Variants in CX3CR1 observed in about 807,000 individuals in gnomAD.
CX3CR1 encodes the protein CX3C chemokine receptor 1.
For missense variants in CX3CR1, 363 were observed against 432.4 expected (o/e 0.84, Z 1.42); for synonymous variants, 168 against 178.5 (o/e 0.94, Z 0.47).
intron 1 of CX3CR1, among the ~76,000 whole-genome samples, chr3:39,278,655 CTTTTTT>C (rs55908068): frequency 9.6e-6 from 1 of 103,708 alleles, no homozygotes; most frequent in Non-Finnish European, 1.9e-5. Flanking sequence ...TTTTTCTTTT[CTTTTTT>C]TTTTTTTTTT....
the CX3CR1 span, among the ~76,000 whole-genome samples, chr3:39,292,640 A>T: frequency 2.0e-5 from 3 of 152,206 alleles, no homozygotes; most frequent in African/African-American, 7.2e-5. Context: ...CCTTCTATTT[A>T]TTATTTTGTT....
In CX3CR1 at chr3:39,263,769, G is replaced by A. The variant is rs1032179920; in HGVS notation, c.*1673C>T. The A allele has an allele frequency of 2.6e-5, 4 of 152,308 alleles. No homozygotes were observed. The highest frequency in any genetic ancestry group is 6.5e-5 in the Admixed American group (1 of 15,308). The allele number at this position is 152,308 out of a possible 1,614,324, so 9.4% of individuals were successfully genotyped here. A position where few individuals can be genotyped will look rare whatever the true frequency, so the allele number is the denominator to read the frequency against. ...AAGCGAGCACTATTTGTGGTCTAAC[G>A]TTAAGAGGAAAACAAATCAGATTAT... is the stretch of plus-strand genomic sequence containing the variant. On this transcript the variant is annotated 3_prime_UTR_variant, in exon 2 of 2. Transcript: ENST00000399220.
At chr3:39,278,346 T>C (rs1350255334) in intron 1 of CX3CR1, among the ~76,000 whole-genome samples, 1 of 152,180 alleles carries the variant, frequency 6.6e-6, no homozygotes, top group Non-Finnish European at 1.5e-5. Context: ...AAGAGGAAGA[T>C]GAAAGAATCC....
chr3:39,266,319 C>A lies in CX3CR1; in HGVS notation c.191G>T (p.Ser64Ile), dbSNP rs1344806050. The change falls in exon 2 of 2, where the codon AGT becomes ATT. Residue 64 changes from serine (S) to isoleucine (I), a missense_variant. Coordinates refer to ENST00000399220, the MANE Select transcript of CX3CR1 (RefSeq NM_001337.4). ...GTTCAGGAGGTAAATGTCGGTGACA[C>A]TCTTGGGCTTCTTGCTGTTGGTGAG... Reference protein sequence around the residue: ...FALTNSKKPKSVTDIYLLNLA... With the variant: ...FALTNSKKPKIVTDIYLLNLA... 1 of 1,614,052 alleles carries A rather than the reference C, an allele frequency of 6.2e-7. No homozygotes were observed. The highest frequency in any genetic ancestry group is 8.5e-7 in the Non-Finnish European group (1 of 1,180,040).
At chr3:39,272,513 C>T (rs2040789177) in intron 1 of CX3CR1, among the ~76,000 whole-genome samples, 1 of 152,160 alleles carries the variant, frequency 6.6e-6, no homozygotes. Context: ...TCTATACTTC[C>T]CTTCTTCTTT....
At chr3:39,287,875 T>A in the CX3CR1 span, 1 of 152,192 alleles carries the variant, frequency 6.6e-6, no homozygotes, top group Non-Finnish European at 1.5e-5. Context: ...GCAACATGGC[T>A]ATAATTCCTG....
chr3:39,276,601 T>G (rs2040843561), intron 1 of CX3CR1, among the ~76,000 whole-genome samples: 1 of 152,206 alleles, frequency 6.6e-6, no homozygotes, highest in Non-Finnish European at 1.5e-5. Context: ...GATTCCACTG[T>G]GTGACTAGTC....
At chr3:39,281,792 G>C (rs199857560), upstream of CX3CR1, 1 of 926,014 alleles carries the variant, frequency 1.1e-6, no homozygotes, top group Non-Finnish European at 1.7e-6. Context: ...GCCTGTGCCC[G>C]TGGCAGGCTC....
At position 39,268,285 on chromosome 3, in the gene CX3CR1, A is replaced by G. The variant is rs181829869; in HGVS notation, c.-9-1767T>C. Among the ~76,000 whole-genome samples the G allele has an allele frequency of 2.8e-3, 422 of 152,342 alleles. 2 individuals are homozygous for G. Among genetic ancestry groups the G allele is most frequent in the Middle Eastern group, 6.8e-3 (2 of 294 alleles). ...GGAACGTGTATGCTTTCTCTGCTTCAGGCTACAATGCCCTTTTCTCAGAGA... is the reference window on the plus strand; with the variant it reads ...GGAACGTGTATGCTTTCTCTGCTTCGGGCTACAATGCCCTTTTCTCAGAGA... On this transcript the variant is annotated intron_variant, in intron 1 of 1. Coordinates refer to ENST00000399220, the MANE Select transcript of CX3CR1 (RefSeq NM_001337.4).
upstream of CX3CR1, among the ~76,000 whole-genome samples, chr3:39,282,736 A>G (rs2040914775): frequency 6.6e-6 from 1 of 152,170 alleles, no homozygotes; most frequent in African/African-American, 2.4e-5. Flanking sequence ...CCAAACCAAG[A>G]TACTTCCATG....
intron 1 of CX3CR1, among the ~76,000 whole-genome samples, chr3:39,273,584 C>T (rs778649660): frequency 3.9e-5 from 6 of 152,206 alleles, no homozygotes; most frequent in Non-Finnish European, 8.8e-5. Context: ...GACCAGACCA[C>T]CTCTAAGAGC....
intron 1 of CX3CR1, among the ~76,000 whole-genome samples, chr3:39,266,878 G>A (rs1216057533): frequency 2.6e-5 from 4 of 152,134 alleles, no homozygotes; most frequent in South Asian, 4.1e-4. Flanking sequence ...TGTCCCCTGG[G>A]GTTCAAGCGA....
chr3:39,290,318 C>A, the CX3CR1 span, among the ~76,000 whole-genome samples: 3 of 152,168 alleles, frequency 2.0e-5, no homozygotes, highest in African/African-American at 7.2e-5. Context: ...GCTAAAGAAG[C>A]AGCAATCCCT....
chr3:39,266,774 A>C, intron 1 of CX3CR1: 1 of 677,802 alleles, frequency 1.5e-6, no homozygotes, highest in Non-Finnish European at 2.7e-6. Context: ...CTCTGTGAGC[A>C]TTTGGCTCTA....
intron 1 of CX3CR1, among the ~76,000 whole-genome samples, chr3:39,275,326 T>C (rs4447705): frequency 0.97 from 148,284 of 152,300 alleles, 72,294 homozygotes; most frequent in East Asian, 1. Context: ...CTTCTATCTC[T>C]TAGTTTCTGT....
intron 1 of CX3CR1, among the ~76,000 whole-genome samples, chr3:39,269,662 C>G (rs1032362977): frequency 6.6e-6 from 1 of 152,182 alleles, no homozygotes; most frequent in Non-Finnish European, 1.5e-5. Context: ...TGGGACTGCT[C>G]CCTGCCATCC....
At chr3:39,269,208 A>G (rs1242781634) in intron 1 of CX3CR1, among the ~76,000 whole-genome samples, 1 of 152,206 alleles carries the variant, frequency 6.6e-6, no homozygotes, top group Admixed American at 6.5e-5. Context: ...CTCTGGGGAT[A>G]TTCATGATGA....
At chr3:39,269,412 G>C (rs2040747000) in intron 1 of CX3CR1, among the ~76,000 whole-genome samples, 1 of 152,150 alleles carries the variant, frequency 6.6e-6, no homozygotes, top group South Asian at 2.1e-4. Context: ...GGTCTGGCTT[G>C]GCAAGGAGCT....
In CX3CR1 at chr3:39,265,578, C is replaced by T. The variant is rs757634158; in HGVS notation, c.932G>A (p.Cys311Tyr). 46 of 1,614,108 alleles carry T rather than the reference C, an allele frequency of 2.8e-5. No individual in the cohort carries two copies. Among genetic ancestry groups the T allele is most frequent in the Non-Finnish European group, 2.8e-5 (33 of 1,180,056 alleles). ...TGAGCGCCCACACAGGACAGCCAGG[C>T]ATTTCCCATACAGGTGGTAAAGGTA... The part of the protein sequence containing the change: ...RRYLYHLYGK[C>Y]LAVLCGRSVH... The change falls in exon 2 of 2, where the codon TGC (cysteine) becomes TAC (tyrosine). Residue 311 changes from cysteine to tyrosine, a missense_variant. Physicochemically the swap from Cys to Tyr is radical, Grantham distance 194. Coordinates refer to ENST00000399220, the MANE Select transcript of CX3CR1 (RefSeq NM_001337.4).
Sources: allele counts gnomAD v4.1 joint callset (sites outside exome capture counted in the v4.1 genomes callset), GRCh38; gene constraint gnomAD v4.1.1; transcripts MANE v1.5; gene names NCBI Gene and HGNC (gene_info 2026-07-23, HGNC 2026-07-21).